MGAT4C: variants seen among roughly 807,000 people sequenced by gnomAD.
The protein encoded by MGAT4C is MGAT4 family member C.
In MGAT4C, 19 loss-of-function variants were observed where a neutral mutation model predicts 40.1. The observed-to-expected ratio is 0.47, with a 90% CI of 0.33 to 0.70. The LOEUF (loss-of-function observed/expected upper bound fraction) is 0.70, where lower values mean the gene tolerates loss of function less well. Ranked by LOEUF, MGAT4C falls within the 30% of genes least tolerant of loss-of-function variation. The pLI is 0.02. For missense variants in MGAT4C, 491 were observed against 563.2 expected (o/e 0.87, Z 1.30); for synonymous variants, 181 against 187.1 (o/e 0.97, Z 0.27).
At chr12:86,294,987 CAA>C (rs1322707865) in intron 4 of MGAT4C, among the ~76,000 whole-genome samples, 1 of 152,098 alleles carries the variant, frequency 6.6e-6, no homozygotes, top group Non-Finnish European at 1.5e-5. Context: ...TCAATAATTC[CAA>C]AATTTCTCAG....
At chr12:86,183,640 G>T (rs925807484) in intron 1 of MGAT4C, among the ~76,000 whole-genome samples, 2 of 152,132 alleles carry the variant, frequency 1.3e-5, no homozygotes, top group African/African-American at 4.8e-5. Flanking sequence ...TAGAGGCTGG[G>T]AATTCCAAAA....
intron 2 of MGAT4C, among the ~76,000 whole-genome samples, chr12:86,006,874 T>C (rs1189697764): frequency 6.6e-6 from 1 of 152,170 alleles, no homozygotes; most frequent in Non-Finnish European, 1.5e-5. Flanking sequence ...TTTCCTTTTG[T>C]ATTCAGAGTT....
intron 2 of MGAT4C, among the ~76,000 whole-genome samples, chr12:86,546,350 C>G (rs1346093970): frequency 6.6e-6 from 1 of 151,368 alleles, no homozygotes; most frequent in South Asian, 2.1e-4. Context: ...ATATATTATT[C>G]TATATACTAA....
At chr12:86,726,320 G>A (rs1033677937) in intron 2 of MGAT4C, among the ~76,000 whole-genome samples, 1 of 152,150 alleles carries the variant, frequency 6.6e-6, no homozygotes, top group African/African-American at 2.4e-5. Flanking sequence ...TTATAGAGAT[G>A]GAACGTCAAT....
intron 3 of MGAT4C, among the ~76,000 whole-genome samples, chr12:85,985,100 C>T (rs1885061348): frequency 6.6e-6 from 1 of 152,086 alleles, no homozygotes. Context: ...TTATTTTATT[C>T]AGTATAGAAA....
chr12:86,761,367 T>C (rs1318373129), intron 1 of MGAT4C, among the ~76,000 whole-genome samples: 1 of 152,162 alleles, frequency 6.6e-6, no homozygotes, highest in Non-Finnish European at 1.5e-5. Context: ...AGTGTAATTA[T>C]TTACAAAGAC....
intron 1 of MGAT4C, among the ~76,000 whole-genome samples, chr12:86,072,027 TGTGTGTG>T (rs1868607575): frequency 1.0e-3 from 2 of 1,920 alleles, no homozygotes; most frequent in African/African-American, 8.4e-3. Flanking sequence ...CATAGGGTTT[TGTGTGTG>T]TGTGTGTGTG....
intron 1 of MGAT4C, among the ~76,000 whole-genome samples, chr12:86,216,443 TG>T (rs1278891656): frequency 6.6e-6 from 1 of 152,238 alleles, no homozygotes; most frequent in Non-Finnish European, 1.5e-5. Context: ...CAGAAACTCT[TG>T]TTCCATTGGC....
At chr12:86,836,979 A>C (rs980145131) in intron 1 of MGAT4C, among the ~76,000 whole-genome samples, 1 of 152,046 alleles carries the variant, frequency 6.6e-6, no homozygotes, top group Admixed American at 6.6e-5. Flanking sequence ...GAGAGAGAGG[A>C]TGTTAAATCA....
At chr12:86,305,645 G>A (rs1953917928) in intron 4 of MGAT4C, among the ~76,000 whole-genome samples, 1 of 150,146 alleles carries the variant, frequency 6.7e-6, no homozygotes, top group Non-Finnish European at 1.5e-5. Flanking sequence ...ATCTGCAAAT[G>A]TTCAAGTCTT....
chr12:86,801,759 C>G (rs957740861), intron 1 of MGAT4C, among the ~76,000 whole-genome samples: 1 of 149,772 alleles, frequency 6.7e-6, no homozygotes, highest in African/African-American at 2.4e-5. Context: ...CATTCCCACA[C>G]AGGATCAATT....
intron 1 of MGAT4C, among the ~76,000 whole-genome samples, chr12:86,111,392 T>G (rs1565997960): frequency 6.6e-6 from 1 of 151,858 alleles, no homozygotes; most frequent in African/African-American, 2.4e-5. Flanking sequence ...ATATCAGTGT[T>G]GTACATGTAT....
chr12:86,554,813 A>G (rs1165218542), intron 2 of MGAT4C, among the ~76,000 whole-genome samples: 1 of 152,074 alleles, frequency 6.6e-6, no homozygotes, highest in African/African-American at 2.4e-5. Flanking sequence ...GTTATCTTAC[A>G]TTTTGGAGAT....
At chr12:86,705,349 AG>A (rs1221132925) in intron 2 of MGAT4C, among the ~76,000 whole-genome samples, 8 of 152,046 alleles carry the variant, frequency 5.3e-5, no homozygotes, top group Non-Finnish European at 8.8e-5. Context: ...AGGCTGGGTT[AG>A]TCAAGGGAAA....
At chr12:86,776,897 AT>A (rs1379918494) in intron 1 of MGAT4C, among the ~76,000 whole-genome samples, 5 of 152,072 alleles carry the variant, frequency 3.3e-5, no homozygotes, top group Admixed American at 2.6e-4. Flanking sequence ...AAATGATTCA[AT>A]TTTTTTGACT....
chr12:86,533,745 A>AC (rs1044794053), intron 2 of MGAT4C, among the ~76,000 whole-genome samples: 16 of 151,530 alleles, frequency 1.1e-4, no homozygotes, highest in Non-Finnish European at 1.8e-4. Context: ...TGACTGATGG[A>AC]CCCCCCTTTA....
intron 1 of MGAT4C, among the ~76,000 whole-genome samples, chr12:86,075,042 C>T (rs940670864): frequency 6.6e-6 from 1 of 152,126 alleles, no homozygotes; most frequent in Non-Finnish European, 1.5e-5. Context: ...CCAACAGTCC[C>T]CCAATCTTAA....
At chr12:86,236,919 C>G (rs916087290) in intron 1 of MGAT4C, among the ~76,000 whole-genome samples, 1 of 151,568 alleles carries the variant, frequency 6.6e-6, no homozygotes, top group Non-Finnish European at 1.5e-5. Context: ...ATTTGTATAC[C>G]TGGTAAAGGC....
chr12:86,589,531 G>A (rs1295210606), intron 2 of MGAT4C, among the ~76,000 whole-genome samples: 1 of 151,706 alleles, frequency 6.6e-6, no homozygotes, highest in Non-Finnish European at 1.5e-5. Context: ...GAAAAAGAGG[G>A]AATCCTCCCT....
Sources: allele counts gnomAD v4.1 joint callset (sites outside exome capture counted in the v4.1 genomes callset), GRCh38; gene constraint gnomAD v4.1.1; transcripts MANE v1.5; gene names NCBI Gene and HGNC (gene_info 2026-07-23, HGNC 2026-07-21).